Variants in PSORS1C1 observed in about 807,000 individuals in gnomAD.
PSORS1C1 encodes the protein psoriasis susceptibility 1 candidate 1.
In PSORS1C1, 7 loss-of-function variants were observed where a neutral mutation model predicts 9.4. The observed-to-expected ratio is 0.75, with a 90% CI of 0.42 to 1.40. The LOEUF (loss-of-function observed/expected upper bound fraction) is 1.40. Among genes scored for constraint, PSORS1C1 ranks in the 40% most tolerant of loss-of-function variants. The pLI is 0.01. For missense variants in PSORS1C1, 146 were observed against 178.1 expected (o/e 0.82, Z 1.02); for synonymous variants, 63 against 69.4 (o/e 0.91, Z 0.46).
intron 1 of PSORS1C1, among the ~76,000 whole-genome samples, chr6:31,125,351 CACA>C (rs558429207): frequency 3.0e-4 from 45 of 152,286 alleles, no homozygotes; most frequent in Non-Finnish European, 4.4e-4. Context: ...CCTCTGCAGC[CACA>C]ACAACACCCT....
chr6:31,130,838 G>A (rs908134793), intron 3 of PSORS1C1, among the ~76,000 whole-genome samples: 1 of 151,772 alleles, frequency 6.6e-6, no homozygotes, highest in African/African-American at 2.4e-5. Context: ...GTGAGCCACT[G>A]TGCCTGGCCC....
chr6:31,137,500 A>C, intron 3 of PSORS1C1: 1 of 167,450 alleles, frequency 6.0e-6, no homozygotes. Context: ...AAAAGACCCT[A>C]AGTGTTAGTT....
Position 31,115,662 on chromosome 6 carries a change from C to G in PSORS1C1, c.-229+771C>G. On this transcript the variant is annotated intron_variant, in intron 1 of 5. Transcript: ENST00000259881. This position sits in a 1 kb window ranked among gnomAD's most constrained non-coding sequence, Gnocchi z 4.2. ...TCAGGCGTCAGAGGTGCTCTGAGAG[C>G]ATTTCAGGGGTTTCCCAGTTGAGAA... The G allele has an allele frequency of 3.3e-6, 1 of 307,182 alleles. No individual in the cohort carries two copies. Among genetic ancestry groups the G allele is most frequent in the Non-Finnish European group, 6.0e-6 (1 of 165,778 alleles). The allele number at this position is 307,182 out of a possible 1,614,324, so 19.0% of individuals were successfully genotyped here. A position where few individuals can be genotyped will look rare whatever the true frequency, so the allele number is the denominator to read the frequency against.
chr6:31,119,223 A>C (rs985162161), intron 1 of PSORS1C1, among the ~76,000 whole-genome samples: 3 of 152,140 alleles, frequency 2.0e-5, no homozygotes, highest in African/African-American at 7.2e-5. Flanking sequence ...CAACAACCAG[A>C]CTGCCATCCT....
chr6:31,123,306 G>T lies in PSORS1C1; in HGVS notation c.-228-2370G>T, dbSNP rs374861202. 7.0e-4 allele frequency among the ~76,000 whole-genome samples: 106 copies of T among 152,334 alleles called. No individual in the cohort carries two copies. The East Asian group carries it at 8.3e-3, about 12-fold the overall frequency. On this transcript the variant is annotated intron_variant, in intron 1 of 5. Coordinates refer to ENST00000259881, the MANE Select transcript of PSORS1C1 (RefSeq NM_014068.3). ...TGAGCTCTAATCCGCCGTGCTTTTG[G>T]TTTTTTACTGAAACCCTGCCTTCTG...
chr6:31,117,544 A>C, intron 1 of PSORS1C1: 1 of 1,549,004 alleles, frequency 6.5e-7, no homozygotes, highest in Non-Finnish European at 8.7e-7. Context: ...GGAGGAAAGC[A>C]GTGGTTAGTA....
chr6:31,138,136 G>A (rs1226868751), intron 3 of PSORS1C1: 1 of 1,606,214 alleles, frequency 6.2e-7, no homozygotes. Flanking sequence ...GTTTCAGGCA[G>A]GTCTCTCCAG....
intron 2 of PSORS1C1, 83 bp downstream of exon 2, chr6:31,125,922 G>A (rs9263699): frequency 0.24 from 36,985 of 152,262 alleles, 4,835 homozygotes; most frequent in Middle Eastern, 0.37. Context: ...AATGTGTCCA[G>A]GCTGTGCTTC....
chr6:31,139,991 T>C lies in PSORS1C1; in HGVS notation c.*59T>C. 1 of 1,500,316 alleles carries C rather than the reference T, an allele frequency of 6.7e-7. No homozygotes were observed. The highest frequency in any genetic ancestry group is 1.4e-5 in the African/African-American group (1 of 72,110). 92.9% of individuals were successfully genotyped at this position (1,500,316 alleles called of 1,614,324 possible). On this transcript the variant is annotated 3_prime_UTR_variant, in exon 6 of 6. Coordinates refer to ENST00000259881, the MANE Select transcript of PSORS1C1 (RefSeq NM_014068.3). The surrounding 1 kb of genome is among the most constrained non-coding windows in gnomAD (Gnocchi z 5.2). ...AAGGACCTTTCTGCCTGGAAGTCTG[T>C]TAGCCTTTCAGAAGTAACATGTCCA...
chr6:31,122,973 CG>C (rs1423565883), intron 1 of PSORS1C1, among the ~76,000 whole-genome samples: 4 of 152,102 alleles, frequency 2.6e-5, no homozygotes, highest in Non-Finnish European at 4.4e-5. Flanking sequence ...GAGAAGGCAG[CG>C]GAACAGTGGA....
Position 31,124,794 on chromosome 6 carries a change from A to C in PSORS1C1, c.-228-882A>C, listed in dbSNP as rs561776276. On this transcript the variant is annotated intron_variant, in intron 1 of 5. Transcript: ENST00000259881. ...AAACCAGCCTGGCCAACATGGCAAA[A>C]CCATCTCTACTAAAAATACAAAAAT... Among the ~76,000 whole-genome samples the C allele has an allele frequency of 2.0e-5, 3 of 152,224 alleles. No individual in the cohort carries two copies. In the East Asian group the frequency reaches 5.8e-4, roughly 29 times the overall value.
intron 1 of PSORS1C1, among the ~76,000 whole-genome samples, chr6:31,121,163 G>T (rs1256615069): frequency 7.5e-6 from 1 of 132,464 alleles, no homozygotes; most frequent in South Asian, 2.3e-4. Context: ...GGACGGCATG[G>T]TGGCGGGGGT....
chr6:31,116,370 G>T (rs369037215), intron 1 of PSORS1C1: 4 of 1,609,124 alleles, frequency 2.5e-6, no homozygotes, highest in Admixed American at 1.7e-5. Flanking sequence ...AAGCACTGCC[G>T]CAGGGATGGT....
At chr6:31,135,624 T>C (rs781329670) in intron 3 of PSORS1C1, among the ~76,000 whole-genome samples, 1 of 152,244 alleles carries the variant, frequency 6.6e-6, no homozygotes, top group African/African-American at 2.4e-5. Context: ...CTTTCATATC[T>C]GTTAGCATCC....
intron 1 of PSORS1C1, among the ~76,000 whole-genome samples, chr6:31,120,608 G>A (rs1772408201): frequency 6.6e-6 from 1 of 152,134 alleles, no homozygotes. Context: ...TGCCTACTCA[G>A]CAGCAGCAGT....
intron 3 of PSORS1C1, chr6:31,138,212 G>A (rs963396432): frequency 6.4e-7 from 1 of 1,567,486 alleles, no homozygotes; most frequent in Middle Eastern, 1.7e-4. Flanking sequence ...AAGGGTCACC[G>A]GGGACTGGGG....
chr6:31,117,477 C>T (rs553582464), intron 1 of PSORS1C1: 33 of 1,552,870 alleles, frequency 2.1e-5, no homozygotes, highest in African/African-American at 5.5e-5. Context: ...AGGTGATACG[C>T]GTGGGGTCCT....
chr6:31,130,200 T>G (rs1772845893), intron 3 of PSORS1C1, among the ~76,000 whole-genome samples: 1 of 152,000 alleles, frequency 6.6e-6, no homozygotes, highest in African/African-American at 2.4e-5. Context: ...TTCCTTTCTA[T>G]CCTTAGCTTC....
In PSORS1C1 at chr6:31,116,426, G is replaced by C. The variant is rs781189010; in HGVS notation, c.-229+1535G>C. The C allele has an allele frequency of 3.8e-6, 6 of 1,590,408 alleles. No homozygotes were observed. In the African/African-American group the frequency reaches 8.1e-5, roughly 21 times the overall value. ...GAAATGCTAGAACTGCTGGGGACTC[G>C]AGAACTGGAGGGAGAGCAGGGTCCC... On this transcript the variant is annotated intron_variant, in intron 1 of 5. Coordinates refer to ENST00000259881, the MANE Select transcript of PSORS1C1 (RefSeq NM_014068.3).
Sources: allele counts gnomAD v4.1 joint callset (sites outside exome capture counted in the v4.1 genomes callset), GRCh38; gene constraint gnomAD v4.1.1; non-coding constraint Gnocchi (gnomAD v3.1); transcripts MANE v1.5; gene names NCBI Gene and HGNC (gene_info 2026-07-23, HGNC 2026-07-21).